The following CSMD1 variants were observed in gnomAD, a reference collection of about 807,000 sequenced individuals.
CSMD1 encodes the protein CUB and Sushi multiple domains 1, also known as CUB and sushi domain-containing protein 1.
A neutral mutation model predicts 417.5 loss-of-function variants in CSMD1; 213 were observed. That is an observed-to-expected ratio of 0.51 (90% confidence interval 0.46 to 0.57). CSMD1 has a LOEUF of 0.57. CSMD1 is among the 20% of genes least tolerant of loss of function. The pLI is 0.00. For missense variants in CSMD1, 6,923 were observed against 4,529.7 expected (o/e 1.53, Z -15.17); for synonymous variants, 2,862 against 1,736.8 (o/e 1.65, Z -16.11).
At position 3,729,298 on chromosome 8, in the gene CSMD1, G is replaced by T. The variant is rs562100335; in HGVS notation, c.932-20807C>A. On this transcript the variant is annotated intron_variant, in intron 6 of 69. Transcript: ENST00000635120. ...GTTCACCTCCTGGCACAGGGCTCGT[G>T]CAGGGCAGATGCTGTCTGAGGGTGG... Among the ~76,000 whole-genome samples, 3 of 152,282 alleles carry T rather than the reference G, an allele frequency of 2.0e-5. No homozygotes were observed. In the East Asian group the frequency reaches 5.8e-4, roughly 29 times the overall value.
chr8:3,209,040 C>G (rs764324298), intron 30 of CSMD1, among the ~76,000 whole-genome samples: 23 of 152,244 alleles, frequency 1.5e-4, no homozygotes, highest in African/African-American at 4.6e-4. Context: ...CAAAGAAACA[C>G]TTTGTGCAAG....
At chr8:3,589,319 C>T (rs1226299539) in intron 8 of CSMD1, among the ~76,000 whole-genome samples, 1 of 151,828 alleles carries the variant, frequency 6.6e-6, no homozygotes, top group Non-Finnish European at 1.5e-5. Flanking sequence ...TCACAATAGC[C>T]AAGTCGTGGA....
At chr8:4,895,944 T>A (rs989648347) in intron 1 of CSMD1, among the ~76,000 whole-genome samples, 1 of 152,046 alleles carries the variant, frequency 6.6e-6, no homozygotes, top group Non-Finnish European at 1.5e-5. Flanking sequence ...TTTGACATCA[T>A]CCCTCCATTT....
In CSMD1 at chr8:4,398,494, G is replaced by C. The variant is rs988514687; in HGVS notation, c.415+21459C>G. The stretch of plus-strand genomic sequence containing the variant: ...CTGCAACCTCCTCTCCTGGGTTCAC[G>C]CCATTCTCCTAGCCTCAGCCTCCCG... On this transcript the variant is annotated intron_variant, in intron 3 of 69. Coordinates refer to ENST00000635120, the MANE Select transcript of CSMD1 (RefSeq NM_033225.6). 2.1e-5 allele frequency among the ~76,000 whole-genome samples: 3 copies of C among 142,976 alleles called. No individual in the cohort carries two copies. In the Admixed American group the frequency reaches 2.3e-4, roughly 11 times the overall value. The allele number at this position is 142,976 out of a possible 152,430, so 93.8% of individuals were successfully genotyped here. A position where few individuals can be genotyped will look rare whatever the true frequency, so the allele number is the denominator to read the frequency against.
chr8:3,934,022 C>T (rs1023252973), intron 5 of CSMD1, among the ~76,000 whole-genome samples: 1 of 151,632 alleles, frequency 6.6e-6, no homozygotes, highest in East Asian at 2.0e-4. Flanking sequence ...CCTGAATCCA[C>T]AATGAGTAGG....
At chr8:4,556,041 T>C (rs1057203487) in intron 2 of CSMD1, among the ~76,000 whole-genome samples, 3 of 152,114 alleles carry the variant, frequency 2.0e-5, no homozygotes, top group Admixed American at 2.0e-4. Flanking sequence ...ATGAATTAAA[T>C]AAAATATAAT....
intron 30 of CSMD1, among the ~76,000 whole-genome samples, chr8:3,207,623 G>T (rs1400480357): frequency 7.2e-5 from 11 of 152,116 alleles, no homozygotes; most frequent in Admixed American, 7.2e-4. Context: ...GATTAGTCAA[G>T]AAATTTCCTG....
chr8:3,997,762 G>A (rs1438739521), intron 5 of CSMD1, 141 bp downstream of exon 5: 3 of 709,416 alleles, frequency 4.2e-6, no homozygotes, highest in East Asian at 2.7e-5. Flanking sequence ...AACTTTTCCA[G>A]AGCCAAAAGA....
intron 12 of CSMD1, among the ~76,000 whole-genome samples, chr8:3,449,504 A>T (rs180988415): frequency 1.5e-4 from 22 of 149,266 alleles, no homozygotes; most frequent in Non-Finnish European, 2.5e-4. Flanking sequence ...AAATGAACAT[A>T]CCTCTCATGA....
At chr8:4,468,657 G>A (rs1264931377) in intron 2 of CSMD1, among the ~76,000 whole-genome samples, 2 of 152,048 alleles carry the variant, frequency 1.3e-5, no homozygotes, top group African/African-American at 4.8e-5. Context: ...CTAAACCTAG[G>A]TAGATCTCCT....
At chr8:3,427,209 T>A (rs1274369632) in intron 12 of CSMD1, among the ~76,000 whole-genome samples, 1 of 152,160 alleles carries the variant, frequency 6.6e-6, no homozygotes, top group Non-Finnish European at 1.5e-5. Context: ...TATCACTGAA[T>A]AAGCATAACA....
chr8:3,950,793 A>G (rs1172423709), intron 5 of CSMD1, among the ~76,000 whole-genome samples: 1 of 152,176 alleles, frequency 6.6e-6, no homozygotes, highest in East Asian at 1.9e-4. Context: ...GTATAAACAT[A>G]TTCTTCGGTC....
chr8:4,112,000 C>T (rs1257954775), intron 3 of CSMD1, among the ~76,000 whole-genome samples: 3 of 151,464 alleles, frequency 2.0e-5, no homozygotes, highest in African/African-American at 4.8e-5. Context: ...TTTGTTTATA[C>T]CAAGTCTTTT....
intron 10 of CSMD1, among the ~76,000 whole-genome samples, chr8:3,542,898 C>T (rs998678622): frequency 1.4e-4 from 21 of 152,266 alleles, no homozygotes; most frequent in South Asian, 1.0e-3. Flanking sequence ...GGGGCTCATG[C>T]GGTGGAGACA....
chr8:3,560,906 C>G (rs1799441459), intron 10 of CSMD1, among the ~76,000 whole-genome samples: 4 of 152,196 alleles, frequency 2.6e-5, no homozygotes, highest in African/African-American at 9.6e-5. Context: ...TTCCTATTTA[C>G]TTCCATGTTA....
At position 4,116,045 on chromosome 8, in the gene CSMD1, G is replaced by C. The variant is rs188031758; in HGVS notation, c.416-83946C>G. On this transcript the variant is annotated intron_variant, in intron 3 of 69. Coordinates refer to ENST00000635120, the MANE Select transcript of CSMD1 (RefSeq NM_033225.6). ...AGAGGGAGTCTCACTCTGTCTCCCA[G>C]GCTAGATTGTAGTGGCAATCTTGGC... Among the ~76,000 whole-genome samples, 43 of 151,268 alleles carry C rather than the reference G, an allele frequency of 2.8e-4. No individual in the cohort carries two copies. In the East Asian group the frequency reaches 8.2e-3, roughly 29 times the overall value.
intron 3 of CSMD1, among the ~76,000 whole-genome samples, chr8:4,394,551 C>A (rs1036629004): frequency 5.3e-5 from 8 of 152,120 alleles, no homozygotes; most frequent in Non-Finnish European, 1.0e-4. Flanking sequence ...TGCTTTGGAG[C>A]AAATGGACTT....
chr8:3,440,656 T>C (rs929810403), intron 12 of CSMD1, among the ~76,000 whole-genome samples: 12 of 152,224 alleles, frequency 7.9e-5, no homozygotes. Flanking sequence ...CCTTGCAATT[T>C]TGAATGGACT....
chr8:3,531,344 C>T (rs533520239), intron 10 of CSMD1, among the ~76,000 whole-genome samples: 1 of 152,246 alleles, frequency 6.6e-6, no homozygotes, highest in Non-Finnish European at 1.5e-5. Flanking sequence ...TTTTTAGCCC[C>T]TATCCGACTT....
Sources: gnomAD v4.1 joint callset for allele counts (sites outside exome capture counted in the v4.1 genomes callset) on GRCh38, gnomAD v4.1.1 for gene constraint, MANE v1.5 for transcripts, NCBI Gene and HGNC (gene_info 2026-07-23, HGNC 2026-07-21) for gene names.